The following TXNRD2 variants were observed in gnomAD, a reference collection of about 807,000 sequenced individuals.
TXNRD2 encodes the protein thioredoxin reductase 2, mitochondrial.
TXNRD2 carries 67 observed loss-of-function variants against 70.8 expected under a neutral mutation model. That is an observed-to-expected ratio of 0.95 (90% CI 0.78 to 1.16). TXNRD2 has a LOEUF of 1.16. Among genes scored for constraint, TXNRD2 ranks in the 50% most tolerant of loss-of-function variants. The pLI is 0.00. For synonymous variants in TXNRD2, 301 were observed against 295.8 expected (o/e 1.02, Z -0.18); for missense variants, 644 against 719.9 (o/e 0.89, Z 1.21).
intron 4 of TXNRD2, 124 bp from the exon 5 acceptor site, chr22:19,918,341 A>T (rs1601453502): frequency 2.2e-6 from 2 of 929,884 alleles, no homozygotes; most frequent in Non-Finnish European, 3.3e-6. Flanking sequence ...GTGCTTTTAA[A>T]GGTGGCAAAA....
At chr22:19,904,806 G>T (rs2145995554) in intron 8 of TXNRD2, among the ~76,000 whole-genome samples, 1 of 152,282 alleles carries the variant, frequency 6.6e-6, no homozygotes, top group East Asian at 1.9e-4. Flanking sequence ...ACCGTGAGTT[G>T]CGCACCTGGC....
chr22:19,936,898 C>T (rs745361992), intron 1 of TXNRD2, among the ~76,000 whole-genome samples: 8 of 152,256 alleles, frequency 5.3e-5, no homozygotes, highest in East Asian at 1.9e-4. Flanking sequence ...AGATTAGAGG[C>T]GTGGGCTTAT....
intron 2 of TXNRD2, among the ~76,000 whole-genome samples, chr22:19,920,232 C>T (rs1671144149): frequency 1.3e-5 from 2 of 152,220 alleles, no homozygotes; most frequent in South Asian, 4.1e-4. Context: ...AGTTGCCCTC[C>T]CAGCCAGCAG....
At chr22:19,909,277 G>T (rs1279071772) in intron 8 of TXNRD2, among the ~76,000 whole-genome samples, 5 of 151,912 alleles carry the variant, frequency 3.3e-5, no homozygotes, top group Admixed American at 6.6e-5. Context: ...GAATAATTGG[G>T]AAAATGTGTC....
In TXNRD2 at chr22:19,895,390, G is replaced by A; in HGVS notation, c.949+17C>T. The A allele has an allele frequency of 6.2e-7, 1 of 1,613,722 alleles. No individual in the cohort carries two copies. Among genetic ancestry groups the A allele is most frequent in the South Asian group, 1.1e-5 (1 of 91,078 alleles). ...GGGGAGACCAGAGACAGAGCGTGTG[G>A]CTCGACGTGCCCTTACCTATGGCCC... On this transcript the variant is annotated intron_variant, in intron 11 of 17. Transcript: ENST00000400521.
chr22:19,876,794 A>G, intron 17 of TXNRD2: 1 of 268,166 alleles, frequency 3.7e-6, no homozygotes. Context: ...CCGTTTCTTG[A>G]TACCTCCTGT....
At chr22:19,910,182 A>T (rs1940344240) in intron 8 of TXNRD2, among the ~76,000 whole-genome samples, 1 of 152,176 alleles carries the variant, frequency 6.6e-6, no homozygotes, top group African/African-American at 2.4e-5. Context: ...AGCTGCCTGG[A>T]CCTGGGACCT....
chr22:19,907,263 G>A (rs1940085982), intron 8 of TXNRD2, among the ~76,000 whole-genome samples: 8 of 53,030 alleles, frequency 1.5e-4, no homozygotes, highest in African/African-American at 2.4e-4. Context: ...GGCGCCGTGG[G>A]TAGCAGTGAC....
chr22:19,880,500 C>T, intron 13 of TXNRD2, 122 bp downstream of exon 13: 1 of 948,014 alleles, frequency 1.1e-6, no homozygotes, highest in South Asian at 1.4e-5. Flanking sequence ...CATAAGCGCA[C>T]ACACACGCAT....
In TXNRD2 at chr22:19,884,862, T is replaced by C. The variant is rs1314762533; in HGVS notation, c.950-1401A>G. Among the ~76,000 whole-genome samples the C allele has an allele frequency of 3.3e-5, 5 of 152,306 alleles. No individual in the cohort carries two copies. In the East Asian group the frequency reaches 9.7e-4, roughly 29 times the overall value. ...GCAGCCGGGTCTCCCACCTGCTCTG[T>C]GCTGCAGCCCCTCGTGGCTGCCTGG... On this transcript the variant is annotated intron_variant, in intron 11 of 17. Coordinates refer to ENST00000400521, the MANE Select transcript of TXNRD2 (RefSeq NM_006440.5).
intron 8 of TXNRD2, among the ~76,000 whole-genome samples, chr22:19,901,204 C>A (rs143638635): frequency 6.6e-6 from 1 of 152,192 alleles, no homozygotes; most frequent in Non-Finnish European, 1.5e-5. Context: ...TGGATTGGAG[C>A]GGGGGCAGGT....
At chr22:19,910,260 A>G (rs1940347376) in intron 8 of TXNRD2, among the ~76,000 whole-genome samples, 1 of 152,226 alleles carries the variant, frequency 6.6e-6, no homozygotes, top group African/African-American at 2.4e-5. Flanking sequence ...ATGGGGAGTG[A>G]GAGCCACTTG....
chr22:19,940,911 C>T (rs1199035154), intron 1 of TXNRD2, among the ~76,000 whole-genome samples: 2 of 152,124 alleles, frequency 1.3e-5, no homozygotes, highest in African/African-American at 4.8e-5. Context: ...CCCTCCCTCC[C>T]GAGTCCACCG....
intron 1 of TXNRD2, 148 bp from the exon 2 acceptor site, chr22:19,931,246 CAT>C (rs1271571871): frequency 3.9e-5 from 30 of 767,814 alleles, no homozygotes; most frequent in East Asian, 1.4e-4. Flanking sequence ...ACTCGATACA[CAT>C]AGTCTGTGCA....
At chr22:19,885,101 C>T (rs1054646707) in intron 11 of TXNRD2, among the ~76,000 whole-genome samples, 1 of 152,168 alleles carries the variant, frequency 6.6e-6, no homozygotes, top group Admixed American at 6.5e-5. Flanking sequence ...AGAGAGGGCA[C>T]CGCATGGGCC....
At chr22:19,907,627 C>T (rs1373592022) in intron 8 of TXNRD2, among the ~76,000 whole-genome samples, 1 of 36,542 alleles carries the variant, frequency 2.7e-5, no homozygotes, top group Non-Finnish European at 4.9e-5. Flanking sequence ...TAGCAGTGAC[C>T]GCTCTCAGGA....
Position 19,877,097 on chromosome 22 carries a change from GA to G in TXNRD2, c.*7del. 6.3e-7 allele frequency: 1 copy of G among 1,593,728 alleles called. No homozygotes were observed. The highest frequency in any genetic ancestry group is 8.6e-7 in the Non-Finnish European group (1 of 1,164,666). ...CGCACCGTGTGCCCTGGCCTGCAGG[GA>G]TGGCGCTTACCCTCAGCAGCCTGTC... On this transcript the variant is annotated 3_prime_UTR_variant, in exon 17 of 18. Transcript: ENST00000400521.
intron 11 of TXNRD2, among the ~76,000 whole-genome samples, chr22:19,885,554 A>C (rs1569074676): frequency 6.6e-6 from 1 of 152,214 alleles, no homozygotes; most frequent in Non-Finnish European, 1.5e-5. Flanking sequence ...AGGGGATGCC[A>C]GCCCACATCA....
At chr22:19,905,449 C>G (rs1328345359) in intron 8 of TXNRD2, among the ~76,000 whole-genome samples, 1 of 152,124 alleles carries the variant, frequency 6.6e-6, no homozygotes, top group African/African-American at 2.4e-5. Flanking sequence ...TGCAGAGGAG[C>G]GCTCCCCAAG....
Sources: gnomAD v4.1 joint callset for allele counts (sites outside exome capture counted in the v4.1 genomes callset) on GRCh38, gnomAD v4.1.1 for gene constraint, MANE v1.5 for transcripts, NCBI Gene and HGNC (gene_info 2026-07-23, HGNC 2026-07-21) for gene names.